ASTN1: variants seen among roughly 807,000 people sequenced by gnomAD.
ASTN1 encodes astrotactin-1.
ASTN1 carries 41 observed loss-of-function variants against 140.7 expected under a neutral mutation model. That is an observed-to-expected ratio of 0.29 (90% CI 0.23 to 0.38). ASTN1 has a LOEUF of 0.38. Among genes scored for constraint, ASTN1 ranks in the 10% least tolerant of loss-of-function variants. ASTN1 has a pLI of 1.00. For missense variants in ASTN1, 1,479 were observed against 1,678.8 expected (o/e 0.88, Z 2.08); for synonymous variants, 640 against 652.2 (o/e 0.98, Z 0.29).
At position 176,894,700 on chromosome 1, in the gene ASTN1, G is replaced by A. The variant is rs2281180; in HGVS notation, c.2802C>T (p.His934=). The change falls in exon 17 of 23, where the codon CAC becomes CAT. Residue 934 remains histidine, a synonymous_variant. Coordinates refer to ENST00000361833, the MANE Select transcript of ASTN1 (RefSeq NM_004319.3). ...AGGACGAGGGGCATCGTCCCTTGCTGTGGCACTCCATGCGGACTCCAGCCG... is the reference window on the plus strand; with the variant it reads ...AGGACGAGGGGCATCGTCCCTTGCTATGGCACTCCATGCGGACTCCAGCCG... ...HMAAGVRMEC[H]SKGRCPSSCP... is the part of the protein sequence containing the mutation. The A allele has an allele frequency of 1.2e-6, 2 of 1,614,064 alleles. No homozygotes were observed. Among genetic ancestry groups the A allele is most frequent in the South Asian group, 2.2e-5 (2 of 91,084 alleles).
At chr1:176,998,551 G>A (rs1438555140) in intron 8 of ASTN1, among the ~76,000 whole-genome samples, 1 of 149,328 alleles carries the variant, frequency 6.7e-6, no homozygotes, top group Non-Finnish European at 1.5e-5. Flanking sequence ...TGGGGGTGGG[G>A]AGCTCATTAA....
intron 2 of ASTN1, among the ~76,000 whole-genome samples, chr1:177,049,908 GGGCT>G (rs1280278699): frequency 1.3e-5 from 2 of 152,182 alleles, no homozygotes; most frequent in Non-Finnish European, 2.9e-5. Flanking sequence ...GAGGAAAGAG[GGGCT>G]GGGGATGGTC....
chr1:177,084,260 T>G (rs1312638013), intron 1 of ASTN1, among the ~76,000 whole-genome samples: 1 of 152,160 alleles, frequency 6.6e-6, no homozygotes, highest in Admixed American at 6.5e-5. Context: ...ATGGCCACAC[T>G]GAACAAGGGC....
intron 1 of ASTN1, among the ~76,000 whole-genome samples, chr1:177,079,399 G>A (rs1679072120): frequency 6.6e-6 from 1 of 152,154 alleles, no homozygotes; most frequent in Non-Finnish European, 1.5e-5. Flanking sequence ...CCTTAATTAT[G>A]AGAGTTATTA....
chr1:177,149,319 G>T (rs1321229054), intron 1 of ASTN1, among the ~76,000 whole-genome samples: 40 of 73,976 alleles, frequency 5.4e-4, no homozygotes, highest in African/African-American at 2.7e-3. Context: ...TATATATATA[G>T]TATATATATA....
At chr1:177,148,366 C>T (rs1305456087) in intron 1 of ASTN1, among the ~76,000 whole-genome samples, 1 of 150,028 alleles carries the variant, frequency 6.7e-6, no homozygotes, top group Non-Finnish European at 1.5e-5. Context: ...TGCAGTGAGC[C>T]GAGATCACGC....
At chr1:177,080,232 AT>A (rs1167033091) in intron 1 of ASTN1, among the ~76,000 whole-genome samples, 317 of 88,398 alleles carry the variant, frequency 3.6e-3, no homozygotes, top group African/African-American at 9.9e-3. Context: ...TCATTCCTCC[AT>A]TTTTTTTTTT....
chr1:177,009,417 C>T (rs780972531), intron 8 of ASTN1, among the ~76,000 whole-genome samples: 1 of 152,156 alleles, frequency 6.6e-6, no homozygotes, highest in Non-Finnish European at 1.5e-5. Context: ...ATGTTTTGAG[C>T]AAGACAGAGG....
chr1:176,931,018 A>C (rs906907356), intron 16 of ASTN1, among the ~76,000 whole-genome samples: 9 of 152,152 alleles, frequency 5.9e-5, no homozygotes, highest in Non-Finnish European at 1.3e-4. Context: ...GCCGGCACGC[A>C]GGTGGAGAAG....
chr1:176,905,655 G>A (rs901758475), intron 16 of ASTN1, among the ~76,000 whole-genome samples: 2 of 152,064 alleles, frequency 1.3e-5, no homozygotes, highest in African/African-American at 4.8e-5. Flanking sequence ...AAATAGACAT[G>A]GCTCTTGGTG....
chr1:176,889,103 T>G (rs1361482363), intron 17 of ASTN1, among the ~76,000 whole-genome samples: 1 of 152,218 alleles, frequency 6.6e-6, no homozygotes, highest in Non-Finnish European at 1.5e-5. Context: ...AGAGGGTTCA[T>G]AGAGATATTT....
intron 16 of ASTN1, among the ~76,000 whole-genome samples, chr1:176,897,679 G>A (rs1669579736): frequency 6.6e-6 from 1 of 152,122 alleles, no homozygotes; most frequent in East Asian, 1.9e-4. Context: ...TTCTTTAACC[G>A]GAGAATAAAA....
intron 8 of ASTN1, among the ~76,000 whole-genome samples, chr1:176,970,505 G>A (rs572838363): frequency 6.6e-6 from 1 of 152,260 alleles, no homozygotes; most frequent in African/African-American, 2.4e-5. Flanking sequence ...TCTGGTGATA[G>A]GATTCCTTGT....
At chr1:177,155,523 G>T (rs536906799) in intron 1 of ASTN1, among the ~76,000 whole-genome samples, 1 of 152,286 alleles carries the variant, frequency 6.6e-6, no homozygotes, top group South Asian at 2.1e-4. Context: ...AAAGACAAAA[G>T]AAATTGTACA....
chr1:177,113,051 C>T (rs949434393), intron 1 of ASTN1, among the ~76,000 whole-genome samples: 2 of 152,210 alleles, frequency 1.3e-5, no homozygotes. Flanking sequence ...CAGAGCCGAC[C>T]TGCATGAGGT....
At chr1:176,974,902 C>A (rs1370216579) in intron 8 of ASTN1, among the ~76,000 whole-genome samples, 1 of 152,146 alleles carries the variant, frequency 6.6e-6, no homozygotes, top group Non-Finnish European at 1.5e-5. Context: ...CAACAAAGAG[C>A]AAGTCAGAGA....
Position 176,945,915 on chromosome 1 carries a change from A to T in ASTN1, c.2249+11T>A. 6.2e-7 allele frequency: 1 copy of T among 1,600,298 alleles called. No individual in the cohort carries two copies. The highest frequency in any genetic ancestry group is 8.5e-7 in the Non-Finnish European group (1 of 1,171,834). On this transcript the variant is annotated intron_variant, in intron 13 of 22. Coordinates refer to ENST00000361833, the MANE Select transcript of ASTN1 (RefSeq NM_004319.3). ...GTCTTGAACAATCAGTTCTATGTAT[A>T]TGAGGTTTACCTGAATGTTCCTTTC...
chr1:177,096,058 G>A (rs1680010762), intron 1 of ASTN1, among the ~76,000 whole-genome samples: 2 of 152,156 alleles, frequency 1.3e-5, no homozygotes, highest in South Asian at 4.1e-4. Context: ...GCTTGCTCAG[G>A]ACTTGTCACT....
At chr1:176,882,276 G>A (rs893758792) in intron 20 of ASTN1, among the ~76,000 whole-genome samples, 1 of 152,194 alleles carries the variant, frequency 6.6e-6, no homozygotes, top group Non-Finnish European at 1.5e-5. Flanking sequence ...AGAGTTCTTG[G>A]TATTCTATGC....
Sources: allele counts gnomAD v4.1 joint callset (sites outside exome capture counted in the v4.1 genomes callset), GRCh38; gene constraint gnomAD v4.1.1; transcripts MANE v1.5; gene names NCBI Gene and HGNC (gene_info 2026-07-23, HGNC 2026-07-21).